The following ARMH4 variants were observed in gnomAD, a reference collection of about 807,000 sequenced individuals.
The protein encoded by ARMH4 is armadillo like helical domain containing 4.
ARMH4 carries 49 observed loss-of-function variants against 61.9 expected under a neutral mutation model. The ratio of observed to expected loss-of-function variants is 0.79; its 90% CI spans 0.63 to 1.00. The LOEUF is 1.00. Among genes scored for constraint, ARMH4 ranks in the 50% least tolerant of loss-of-function variants. ARMH4 has a pLI of 0.00. For synonymous variants in ARMH4, 368 were observed against 341.5 expected (o/e 1.08, Z -0.85); for missense variants, 934 against 930.0 (o/e 1.00, Z -0.06).
chr14:58,083,593 A>G (rs541304705), intron 5 of ARMH4, among the ~76,000 whole-genome samples: 1 of 152,336 alleles, frequency 6.6e-6, no homozygotes, highest in Non-Finnish European at 1.5e-5. Context: ...AAAGGCAAAC[A>G]AACAAACAAA....
At position 58,132,581 on chromosome 14, in the gene ARMH4, C is replaced by CTTTT. The variant is rs71448942; in HGVS notation, c.1621+505_1621+508dup. Among the ~76,000 whole-genome samples, 15 of 86,070 alleles carry CTTTT rather than the reference C, an allele frequency of 1.7e-4. 1 individual carries two copies. The highest frequency in any genetic ancestry group is 1.6e-4 in the Non-Finnish European group (7 of 43,260). The allele number at this position is 86,070 out of a possible 152,430, so 56.5% of individuals were successfully genotyped here. On this transcript the variant is annotated intron_variant, in intron 3 of 7. Transcript: ENST00000267485. Reference sequence around the variant, plus strand: ...TTACTTACAAACTAAACCCTTGTCCCTTTTTTTTTTTTTTTTTTTTTTTGG... The same window carrying CTTTT: ...TTACTTACAAACTAAACCCTTGTCCCTTTTTTTTTTTTTTTTTTTTTTTTTTTGG...
intron 6 of ARMH4, among the ~76,000 whole-genome samples, chr14:58,009,807 C>CAAA (rs1180997628): frequency 2.8e-4 from 13 of 46,088 alleles, no homozygotes; most frequent in African/African-American, 5.9e-4. Flanking sequence ...CAAGACTCTG[C>CAAA]AAAAAAAAAA....
At chr14:58,115,369 T>C (rs1422564801) in intron 4 of ARMH4, among the ~76,000 whole-genome samples, 1 of 152,130 alleles carries the variant, frequency 6.6e-6, no homozygotes, top group Non-Finnish European at 1.5e-5. Context: ...AAAACCACAA[T>C]GAGATGTCAT....
rs111780397 is a variant in ARMH4 at position 58,076,468 on chromosome 14, T to G, written c.2089+20256A>C. On this transcript the variant is annotated intron_variant, in intron 5 of 7. Transcript: ENST00000267485. ...AACCTGGAACTCTAATTTGTAACCC[T>G]GTTTTCAGAATCAAAAGAAGAAAAC... Among the ~76,000 whole-genome samples the G allele has an allele frequency of 5.6e-3, 857 of 152,324 alleles. 12 individuals carry two copies. The highest frequency in any genetic ancestry group is 0.019 in the African/African-American group (796 of 41,566).
In ARMH4 at chr14:58,001,370, C is replaced by T. The variant is rs2747102; in HGVS notation, c.*3366G>A. ...TATAAGCATAAGCAATGAACACAGG[C>T]GTACAGATACTTCTTCAAGATCCTG... is the stretch of plus-strand genomic sequence containing the variant. On this transcript the variant is annotated 3_prime_UTR_variant, in exon 8 of 8. Coordinates refer to ENST00000267485, the MANE Select transcript of ARMH4 (RefSeq NM_001001872.4). 53 of 152,008 alleles carry T rather than the reference C, an allele frequency of 3.5e-4. No individual in the cohort carries two copies. Among genetic ancestry groups the T allele is most frequent in the African/African-American group, 1.2e-3 (48 of 41,442 alleles). The allele number at this position is 152,008 out of a possible 1,614,324, so 9.4% of individuals were successfully genotyped here.
At chr14:58,047,761 C>T (rs908600148) in intron 5 of ARMH4, among the ~76,000 whole-genome samples, 2 of 151,986 alleles carry the variant, frequency 1.3e-5, no homozygotes, top group Non-Finnish European at 2.9e-5. Context: ...GTTTAAGGTG[C>T]AGTAATTAAG....
intron 4 of ARMH4, among the ~76,000 whole-genome samples, chr14:58,120,065 A>G (rs1268213819): frequency 2.0e-5 from 3 of 152,190 alleles, no homozygotes; most frequent in South Asian, 2.1e-4. Flanking sequence ...GTGTACATAC[A>G]CAAATATAGA....
Position 58,049,818 on chromosome 14 carries a change from A to G in ARMH4, c.2090-37668T>C, listed in dbSNP as rs139173865. Among the ~76,000 whole-genome samples, 254 of 152,342 alleles carry G rather than the reference A, an allele frequency of 1.7e-3. 2 individuals carry two copies. Among genetic ancestry groups the G allele is most frequent in the African/African-American group, 5.9e-3 (244 of 41,568 alleles). On this transcript the variant is annotated intron_variant, in intron 5 of 7. Transcript: ENST00000267485. ...ACTCCCTGGACTGTTAAAATGAATG[A>G]CTTGGAGGCATGATGGTGTGACACA...
In ARMH4 at chr14:58,037,032, C is replaced by G. The variant is rs1883508780; in HGVS notation, c.2090-24882G>C. On this transcript the variant is annotated intron_variant, in intron 5 of 7. Transcript: ENST00000267485. ...ATCAAGCTACCAATGACTTTCTTCA[C>G]AGAATTGGAAAAAACTACTTTAAAG... Among the ~76,000 whole-genome samples the G allele has an allele frequency of 3.3e-5, 3 of 89,966 alleles. No individual in the cohort carries two copies. The South Asian group carries it at 1.2e-3, about 35-fold the overall frequency. The allele number at this position is 89,966 out of a possible 152,430, so 59.0% of individuals were successfully genotyped here.
At chr14:58,064,203 C>T (rs1884629904) in intron 5 of ARMH4, among the ~76,000 whole-genome samples, 3 of 149,948 alleles carry the variant, frequency 2.0e-5, no homozygotes, top group Non-Finnish European at 4.4e-5. Flanking sequence ...CATTATTACC[C>T]ACTCCCTGAA....
intron 5 of ARMH4, among the ~76,000 whole-genome samples, chr14:58,089,594 TC>T (rs1885493403): frequency 6.6e-6 from 1 of 152,202 alleles, no homozygotes; most frequent in Non-Finnish European, 1.5e-5. Flanking sequence ...GATAAATTAA[TC>T]CCTTACAGTG....
chr14:58,008,313 G>A (rs1033229952), intron 6 of ARMH4, among the ~76,000 whole-genome samples: 3 of 152,212 alleles, frequency 2.0e-5, no homozygotes, highest in East Asian at 3.9e-4. Flanking sequence ...GCAAACAGCA[G>A]GCGCATCCAG....
intron 5 of ARMH4, among the ~76,000 whole-genome samples, chr14:58,078,613 A>T (rs1885123988): frequency 6.6e-6 from 1 of 152,258 alleles, no homozygotes; most frequent in Non-Finnish European, 1.5e-5. Context: ...CCTAAGCCAG[A>T]TGTCAGCAAA....
chr14:58,101,816 A>G (rs2141272381), intron 4 of ARMH4, among the ~76,000 whole-genome samples: 1 of 152,298 alleles, frequency 6.6e-6, no homozygotes, highest in Non-Finnish European at 1.5e-5. Flanking sequence ...GAGGGTGTGG[A>G]GAGGAGGGCA....
chr14:58,080,475 G>A (rs1885183963), intron 5 of ARMH4, among the ~76,000 whole-genome samples: 1 of 152,132 alleles, frequency 6.6e-6, no homozygotes. Context: ...TGTAATGAGG[G>A]ATGAGAAGGA....
chr14:58,128,908 C>T (rs1312311906), intron 4 of ARMH4, among the ~76,000 whole-genome samples: 1 of 152,146 alleles, frequency 6.6e-6, no homozygotes, highest in Non-Finnish European at 1.5e-5. Flanking sequence ...GGGCCCTAAT[C>T]CAATGACTGG....
chr14:58,147,254 C>T (rs988500568), intron 1 of ARMH4, among the ~76,000 whole-genome samples: 2 of 151,960 alleles, frequency 1.3e-5, no homozygotes, highest in Admixed American at 1.3e-4. Flanking sequence ...TTTTAAATGC[C>T]TCTTCATTGA....
rs183035641 is a variant in ARMH4, at chr14:58,006,213, T to C, written c.2122-1031A>G. On this transcript the variant is annotated intron_variant, in intron 6 of 7. Transcript: ENST00000267485. ...TATGTACTAACCTATAGCCCTTTCA[T>C]GGGGGAACACAGGTAATGGTTTGCC... is the stretch of plus-strand genomic sequence containing the variant. 3.3e-5 allele frequency among the ~76,000 whole-genome samples: 5 copies of C among 152,296 alleles called. No homozygotes were observed. The East Asian group carries it at 9.7e-4, about 29-fold the overall frequency.
In ARMH4 at chr14:58,131,562, G is replaced by A. The variant is rs375929300; in HGVS notation, c.1781C>T (p.Thr594Ile). The A allele has an allele frequency of 1.9e-6, 3 of 1,614,080 alleles. No individual in the cohort carries two copies. Among genetic ancestry groups the A allele is most frequent in the Non-Finnish European group, 2.5e-6 (3 of 1,180,036 alleles). Residue 594 changes from threonine (T) to isoleucine (I), a missense_variant, in exon 4 of 8, where the codon ACT (threonine) becomes ATT (isoleucine). Thr to Ile is a moderately conservative substitution (Grantham distance 89). Transcript: ENST00000267485. ...ATATGAGGCAGCTGTATTAACACGA[G>A]TAATAGATGGAACAACAGTTCTTCT... ...SERRTVVPSI[T>I]RVNTAASYGL...
Sources: gnomAD v4.1 joint callset for allele counts (sites outside exome capture counted in the v4.1 genomes callset) on GRCh38, gnomAD v4.1.1 for gene constraint, MANE v1.5 for transcripts, NCBI Gene and HGNC (gene_info 2026-07-23, HGNC 2026-07-21) for gene names.